The following VPS4B variants were observed in gnomAD, a reference collection of about 807,000 sequenced individuals.
VPS4B encodes the protein vacuolar protein sorting 4 homolog B.
In VPS4B, 23 loss-of-function variants were observed where a neutral mutation model predicts 56.1. That is an observed-to-expected ratio of 0.41 (90% CI 0.30 to 0.58). VPS4B has a LOEUF of 0.58. Ranked by LOEUF, VPS4B falls within the 20% of genes least tolerant of loss-of-function variation. The pLI is 0.29. For synonymous variants in VPS4B, 177 were observed against 186.0 expected (o/e 0.95, Z 0.39); for missense variants, 372 against 531.9 (o/e 0.70, Z 2.96).
intron 9 of VPS4B, among the ~76,000 whole-genome samples, chr18:63,394,591 C>T (rs765753589): frequency 1.2e-4 from 18 of 152,152 alleles, no homozygotes; most frequent in East Asian, 3.9e-4. Flanking sequence ...CTCAGCCTCC[C>T]GAGTAGCTGG....
chr18:63,390,576 ATGTT>A lies in VPS4B; in HGVS notation c.*395_*398del, dbSNP rs1420873409. On this transcript the variant is annotated 3_prime_UTR_variant, in exon 11 of 11. Coordinates refer to ENST00000238497, the MANE Select transcript of VPS4B (RefSeq NM_004869.4). ...CGTAAATTTTACATTGATAAGAATG[ATGTT>A]TAACAATTTTTTTGAAAATATAAAA... 3.3e-5 allele frequency: 5 copies of A among 153,574 alleles called. No homozygotes were observed. The allele number at this position is 153,574 out of a possible 1,614,324, so 9.5% of individuals were successfully genotyped here.
chr18:63,407,677 A>T (rs1915947962), intron 3 of VPS4B, among the ~76,000 whole-genome samples, 178 bp from the exon 4 acceptor site: 1 of 152,232 alleles, frequency 6.6e-6, no homozygotes, highest in Non-Finnish European at 1.5e-5. Context: ...TCACGTTATC[A>T]TCAATAGAGA....
chr18:63,417,659 A>ATGTTTTTTT (rs1286305911), intron 1 of VPS4B, among the ~76,000 whole-genome samples: 1 of 151,434 alleles, frequency 6.6e-6, no homozygotes, highest in Non-Finnish European at 1.5e-5. Context: ...GAGCATGCAT[A>ATGTTTTTTT]TGTTTTTTTT....
At chr18:63,415,523 G>C (rs371179836) in intron 1 of VPS4B, 1 of 292,306 alleles carries the variant, frequency 3.4e-6, no homozygotes, top group East Asian at 9.5e-5. Context: ...CCCTGGGTCA[G>C]GTTCCTTTTC....
chr18:63,419,813 T>C (rs1177908307), intron 1 of VPS4B, among the ~76,000 whole-genome samples: 2 of 152,370 alleles, frequency 1.3e-5, no homozygotes, highest in South Asian at 2.1e-4. Context: ...TTATTGAAAC[T>C]GTGGAAAGTA....
At chr18:63,392,083 T>A (rs1031572519) in intron 10 of VPS4B, among the ~76,000 whole-genome samples, 14 of 152,148 alleles carry the variant, frequency 9.2e-5, no homozygotes, top group Non-Finnish European at 1.6e-4. Context: ...CACACAAATA[T>A]ATGGGTGTAT....
At chr18:63,391,202 A>C in intron 10 of VPS4B, 126 bp from the exon 11 acceptor site, 1 of 653,094 alleles carries the variant, frequency 1.5e-6, no homozygotes, top group Non-Finnish European at 2.7e-6. Flanking sequence ...GCAGTCTGCC[A>C]TAAGATACTA....
rs774644670 is a variant in VPS4B, at chr18:63,393,490, G to A, written c.1152C>T (p.Cys384=). 8.7e-6 allele frequency: 14 copies of A among 1,612,920 alleles called. No individual in the cohort carries two copies. Among genetic ancestry groups the A allele is most frequent in the East Asian group, 2.2e-5 (1 of 44,788 alleles). ...CAATGGCACCAGGGTCACCTGGAGA[G>A]CAAGGTGTTAGCAGATCATCTACAA... is the stretch of plus-strand genomic sequence containing the variant. ...NHLVDDLLTP[C]SPGDPGAIEM... The change falls in exon 10 of 11, where the codon TGC becomes TGT. Residue 384 remains cysteine, a synonymous_variant. Coordinates refer to ENST00000238497, the MANE Select transcript of VPS4B (RefSeq NM_004869.4).
intron 2 of VPS4B, among the ~76,000 whole-genome samples, chr18:63,410,934 C>A (rs1916027195): frequency 6.6e-6 from 1 of 152,200 alleles, no homozygotes; most frequent in Non-Finnish European, 1.5e-5. Context: ...ACACAAAGGC[C>A]TCTGTCAGAG....
chr18:63,402,833 T>C (rs1407549166), intron 5 of VPS4B, among the ~76,000 whole-genome samples: 1 of 152,208 alleles, frequency 6.6e-6, no homozygotes, highest in East Asian at 1.9e-4. Context: ...TACAGGCTTT[T>C]TGCTCTTCAT....
intron 5 of VPS4B, among the ~76,000 whole-genome samples, chr18:63,403,280 T>C (rs2144421979): frequency 6.6e-6 from 1 of 152,362 alleles, no homozygotes; most frequent in Non-Finnish European, 1.5e-5. Flanking sequence ...TATATTAATA[T>C]TTCTATGTGA....
At chr18:63,394,119 G>GT (rs1915617577) in intron 9 of VPS4B, among the ~76,000 whole-genome samples, 2 of 151,568 alleles carry the variant, frequency 1.3e-5, no homozygotes, top group Admixed American at 6.6e-5. Context: ...TAGAAGATGA[G>GT]TTAAAAAAAA....
chr18:63,405,755 C>T (rs751073486), intron 4 of VPS4B, among the ~76,000 whole-genome samples: 18 of 151,414 alleles, frequency 1.2e-4, no homozygotes, highest in Non-Finnish European at 1.9e-4. Flanking sequence ...CTCAGGAGTT[C>T]GAGAGCAGCC....
chr18:63,401,046 T>C (rs1263656598), intron 5 of VPS4B, among the ~76,000 whole-genome samples: 1 of 152,240 alleles, frequency 6.6e-6, no homozygotes, highest in Non-Finnish European at 1.5e-5. Context: ...AAAGGTACTT[T>C]CTGATCATCT....
chr18:63,413,078 T>A (rs1392995578), intron 1 of VPS4B, among the ~76,000 whole-genome samples: 1 of 152,070 alleles, frequency 6.6e-6, no homozygotes, highest in South Asian at 2.1e-4. Context: ...GTAACACATA[T>A]CTACATGTGA....
intron 1 of VPS4B, among the ~76,000 whole-genome samples, chr18:63,413,592 T>C (rs1677954389): frequency 6.6e-6 from 1 of 150,402 alleles, no homozygotes. Context: ...AGGGCAAACA[T>C]GACTTATTAA....
At chr18:63,413,842 C>T (rs1916102978) in intron 1 of VPS4B, among the ~76,000 whole-genome samples, 1 of 152,196 alleles carries the variant, frequency 6.6e-6, no homozygotes, top group Admixed American at 6.5e-5. Flanking sequence ...AGGTCTCCCG[C>T]TGGAAGACCA....
chr18:63,400,799 C>T, intron 5 of VPS4B, 96 bp from the exon 6 acceptor site: 1 of 1,168,966 alleles, frequency 8.6e-7, no homozygotes, highest in Non-Finnish European at 1.2e-6. Context: ...CACTCTAAAC[C>T]TCTAAGGATC....
Position 63,391,095 on chromosome 18 carries a change from G to T in VPS4B, c.1234-19C>A. On this transcript the variant is annotated intron_variant, in intron 10 of 10. Transcript: ENST00000238497. The stretch of plus-strand genomic sequence containing the variant: ...TATCCGACTGTCAGGGAAAAAGAAG[G>T]GTAGGGAGGATATTAATAATAGAGT... 1 of 1,509,048 alleles carries T rather than the reference G, an allele frequency of 6.6e-7. No individual in the cohort carries two copies. Among genetic ancestry groups the T allele is most frequent in the Non-Finnish European group, 9.2e-7 (1 of 1,086,416 alleles). The allele number at this position is 1,509,048 out of a possible 1,614,324, so 93.5% of individuals were successfully genotyped here. A position where few individuals can be genotyped will look rare whatever the true frequency, so the allele number is the denominator to read the frequency against.
Sources: gnomAD v4.1 joint callset for allele counts (sites outside exome capture counted in the v4.1 genomes callset) on GRCh38, gnomAD v4.1.1 for gene constraint, MANE v1.5 for transcripts, NCBI Gene and HGNC (gene_info 2026-07-23, HGNC 2026-07-21) for gene names.